TWSG1: variants seen among roughly 807,000 people sequenced by gnomAD.
TWSG1 encodes twisted gastrulation BMP signaling modulator 1.
Under a neutral mutation model 23.0 loss-of-function variants are expected in TWSG1, and 15 were observed. The observed-to-expected ratio is 0.65, with a 90% confidence interval of 0.44 to 1.00. The LOEUF (loss-of-function observed/expected upper bound fraction) is 1.00, where lower values mean the gene tolerates loss of function less well. Ranked by LOEUF, TWSG1 falls within the 50% of genes least tolerant of loss-of-function variation. The probability of loss-of-function intolerance (pLI) is 0.00; values close to 1 mark genes in which losing one functional copy is unlikely to be tolerated. For missense variants in TWSG1, 242 were observed against 278.7 expected, an observed-to-expected ratio of 0.87 and a Z score of 0.94; for synonymous variants, 86 against 92.8, an observed-to-expected ratio of 0.93 and a Z score of 0.42.
At chr18:9,346,146 C>T (rs931028837) in intron 2 of TWSG1, among the ~76,000 whole-genome samples, 1 of 152,096 alleles carries the variant, frequency 6.6e-6, no homozygotes, top group Admixed American at 6.6e-5. Flanking sequence ...CTTCATCCCT[C>T]CCTACCTCCC....
At chr18:9,351,443 G>A (rs1568032302) in intron 2 of TWSG1, among the ~76,000 whole-genome samples, 1 of 151,350 alleles carries the variant, frequency 6.6e-6, no homozygotes. Context: ...ATGTTTCTTT[G>A]AAAAAAATTA....
At chr18:9,365,668 C>CTT (rs2145612447) in intron 3 of TWSG1, among the ~76,000 whole-genome samples, 1 of 150,944 alleles carries the variant, frequency 6.6e-6, no homozygotes, top group South Asian at 2.1e-4. Context: ...CAGAGTGAGA[C>CTT]TTTAACTCAA....
At chr18:9,363,775 G>A (rs1484976831) in intron 3 of TWSG1, among the ~76,000 whole-genome samples, 2 of 151,808 alleles carry the variant, frequency 1.3e-5, no homozygotes, top group African/African-American at 2.4e-5. Flanking sequence ...ACAGACACAC[G>A]CCACCATATC....
intron 3 of TWSG1, among the ~76,000 whole-genome samples, chr18:9,369,643 A>G (rs766288392): frequency 6.6e-6 from 1 of 151,820 alleles, no homozygotes; most frequent in Non-Finnish European, 1.5e-5. Context: ...TTGCTTTGAG[A>G]CAAGGTCTTC....
intron 2 of TWSG1, among the ~76,000 whole-genome samples, chr18:9,357,975 TGGG>T (rs1442553369): frequency 3.9e-5 from 6 of 152,114 alleles, no homozygotes; most frequent in East Asian, 3.9e-4. Flanking sequence ...AATGAGGACA[TGGG>T]GGAATAAAAA....
In TWSG1 at chr18:9,399,437, C is replaced by T. The variant is rs2040753106; in HGVS notation, c.582C>T (p.Arg194=). ...AGTCCATGGGAGCATCCAAATATCG[C>T]TGGTTTCATAATGCCTGCTGCGAGT... The part of the protein sequence containing the change: ...SCESMGASKY[R]WFHNACCECI... Residue 194 remains arginine, a synonymous_variant, in exon 5 of 5, where the codon CGC becomes CGT. Coordinates refer to ENST00000262120, the MANE Select transcript of TWSG1 (RefSeq NM_020648.6). The T allele has an allele frequency of 6.2e-7, 1 of 1,614,086 alleles. No individual in the cohort carries two copies. Among genetic ancestry groups the T allele is most frequent in the African/African-American group, 1.3e-5 (1 of 75,040 alleles).
At chr18:9,372,206 A>G (rs1267383778) in intron 3 of TWSG1, among the ~76,000 whole-genome samples, 1 of 151,674 alleles carries the variant, frequency 6.6e-6, no homozygotes, top group Non-Finnish European at 1.5e-5. Flanking sequence ...TGGGAGATAC[A>G]TTCCAGGGCC....
chr18:9,401,924 A>C lies in TWSG1; in HGVS notation c.*2397A>C, dbSNP rs1035290396. The C allele has an allele frequency of 3.3e-5, 5 of 152,150 alleles. No individual in the cohort carries two copies. Among genetic ancestry groups the C allele is most frequent in the African/African-American group, 1.2e-4 (5 of 41,454 alleles). The allele number at this position is 152,150 out of a possible 1,614,324, so 9.4% of individuals were successfully genotyped here. Reference sequence around the variant, plus strand: ...GGTTTTAAATCAGTGGGTATCATAAAAGCCATATATAAAAGATCCTTTCTT... The same window carrying C: ...GGTTTTAAATCAGTGGGTATCATAACAGCCATATATAAAAGATCCTTTCTT... On this transcript the variant is annotated 3_prime_UTR_variant, in exon 5 of 5. Coordinates refer to ENST00000262120, the MANE Select transcript of TWSG1 (RefSeq NM_020648.6).
rs1164912864 is a variant in TWSG1, at chr18:9,372,148, ATGTATATATATTATATAT to A, written c.223+12079_223+12096del. ...ATGTATTTAATTATGTGTGCTATGT[ATGTATATATATTATATAT>A]TTGTATATACAGTAGTTCCCCCTTA... On this transcript the variant is annotated intron_variant, in intron 3 of 4. Transcript: ENST00000262120. Among the ~76,000 whole-genome samples the A allele has an allele frequency of 2.3e-5, 3 of 132,710 alleles. No homozygotes were observed. The East Asian group carries it at 6.3e-4, about 28-fold the overall frequency. 87.1% of individuals were successfully genotyped at this position (132,710 alleles called of 152,430 possible). A position where few individuals can be genotyped will look rare whatever the true frequency, so the allele number is the denominator to read the frequency against.
At chr18:9,369,794 G>A (rs1240144377) in intron 3 of TWSG1, among the ~76,000 whole-genome samples, 1 of 152,036 alleles carries the variant, frequency 6.6e-6, no homozygotes, top group Admixed American at 6.5e-5. Flanking sequence ...GCCTCCCAAA[G>A]CATTGGGATT....
intron 2 of TWSG1, among the ~76,000 whole-genome samples, chr18:9,354,312 C>G (rs1598823603): frequency 6.6e-6 from 1 of 151,926 alleles, no homozygotes; most frequent in East Asian, 1.9e-4. Context: ...TAAATAGAAC[C>G]CATTTAAGGA....
intron 3 of TWSG1, among the ~76,000 whole-genome samples, chr18:9,362,615 G>A (rs1195913296): frequency 6.6e-6 from 1 of 152,192 alleles, no homozygotes; most frequent in Non-Finnish European, 1.5e-5. Context: ...GAGTGTTTGT[G>A]CGAGTGTATG....
chr18:9,382,083 CTT>C (rs11369376), intron 3 of TWSG1, among the ~76,000 whole-genome samples: 1 of 145,606 alleles, frequency 6.9e-6, no homozygotes. Flanking sequence ...TATTTTTAGT[CTT>C]TTTTTTTTTT....
intron 3 of TWSG1, among the ~76,000 whole-genome samples, chr18:9,383,268 A>G (rs771723402): frequency 2.8e-5 from 4 of 142,570 alleles, no homozygotes; most frequent in Non-Finnish European, 6.0e-5. Context: ...GATCTTGGCC[A>G]CTGCAGACTC....
At chr18:9,337,095 A>G in intron 1 of TWSG1, 98 bp from the exon 2 acceptor site, 1 of 1,090,580 alleles carries the variant, frequency 9.2e-7, no homozygotes, top group East Asian at 2.4e-5. Flanking sequence ...GTATATTGAC[A>G]CAAACAATGA....
Position 9,401,833 on chromosome 18 carries a change from T to A in TWSG1, c.*2306T>A, listed in dbSNP as rs996040710. The A allele has an allele frequency of 6.6e-6, 1 of 152,124 alleles. No homozygotes were observed. The highest frequency in any genetic ancestry group is 2.4e-5 in the African/African-American group (1 of 41,456). 9.4% of individuals were successfully genotyped at this position (152,124 alleles called of 1,614,324 possible). A position where few individuals can be genotyped will look rare whatever the true frequency, so the allele number is the denominator to read the frequency against. On this transcript the variant is annotated 3_prime_UTR_variant, in exon 5 of 5. Coordinates refer to ENST00000262120, the MANE Select transcript of TWSG1 (RefSeq NM_020648.6). ...TCTATATTGAAGTTTTGGTAAAAAT[T>A]CTTTTTTCTTTTTTAATAAAAAATT...
chr18:9,381,306 G>T (rs544837136), intron 3 of TWSG1, among the ~76,000 whole-genome samples: 1 of 152,060 alleles, frequency 6.6e-6, no homozygotes, highest in African/African-American at 2.4e-5. Context: ...CATTTTTTTT[G>T]AATCTCAGGA....
At position 9,400,389 on chromosome 18, in the gene TWSG1, A is replaced by G. The variant is rs1335280847; in HGVS notation, c.*862A>G. Reference sequence around the variant, plus strand: ...CAAATCAGACTCCACCTAGAGCACCAGGAAACAGCTTGTACCCTGGTAGGG... The same window carrying G: ...CAAATCAGACTCCACCTAGAGCACCGGGAAACAGCTTGTACCCTGGTAGGG... On this transcript the variant is annotated 3_prime_UTR_variant, in exon 5 of 5. Transcript: ENST00000262120. The G allele has an allele frequency of 6.6e-6, 1 of 152,254 alleles. No individual in the cohort carries two copies. The highest frequency in any genetic ancestry group is 1.5e-5 in the Non-Finnish European group (1 of 68,060). 9.4% of individuals were successfully genotyped at this position (152,254 alleles called of 1,614,324 possible).
intron 3 of TWSG1, among the ~76,000 whole-genome samples, chr18:9,376,009 G>T (rs1568037088): frequency 6.6e-6 from 1 of 151,982 alleles, no homozygotes; most frequent in Non-Finnish European, 1.5e-5. Flanking sequence ...CTGCCTCCCG[G>T]GTTCAAGCAA....
Sources: gnomAD v4.1 joint callset for allele counts (sites outside exome capture counted in the v4.1 genomes callset) on GRCh38, gnomAD v4.1.1 for gene constraint, MANE v1.5 for transcripts, NCBI Gene and HGNC (gene_info 2026-07-23, HGNC 2026-07-21) for gene names.